The following TMEM132C variants were observed in gnomAD, a reference collection of about 807,000 sequenced individuals.
TMEM132C encodes transmembrane protein 132C, also known as protein phosphatase 1, regulatory subunit 152.
In TMEM132C, 29 loss-of-function variants were observed where a neutral mutation model predicts 61.4. The ratio of observed to expected loss-of-function variants is 0.47; its 90% CI spans 0.35 to 0.64. The LOEUF (loss-of-function observed/expected upper bound fraction) is 0.64, where lower values mean the gene tolerates loss of function less well. Among genes scored for constraint, TMEM132C ranks in the 30% least tolerant of loss-of-function variants. The pLI, the probability that TMEM132C is intolerant of heterozygous loss-of-function variation, is 0.00. For missense variants in TMEM132C, 1,408 were observed against 1,476.9 expected (o/e 0.95, Z 0.76); for synonymous variants, 656 against 633.1 (o/e 1.04, Z -0.54).
At chr12:128,627,751 C>A (rs560697303) in intron 4 of TMEM132C, among the ~76,000 whole-genome samples, 1 of 152,212 alleles carries the variant, frequency 6.6e-6, no homozygotes, top group Non-Finnish European at 1.5e-5. Context: ...TGCCTCCCCC[C>A]GCCCTGCAGC....
chr12:128,448,601 C>T lies in TMEM132C; in HGVS notation c.974+32981C>T, dbSNP rs534608891. ...TAACACTGCTTTTGCCACCTTCTTT[C>T]GGCCACAACAAATCACAAGTCCATC... On this transcript the variant is annotated intron_variant, in intron 2 of 8. Transcript: ENST00000435159. Among the ~76,000 whole-genome samples, 206 of 152,226 alleles carry T rather than the reference C, an allele frequency of 1.4e-3. 2 individuals carry two copies. The highest frequency in any genetic ancestry group is 8.3e-3 in the Admixed American group (127 of 15,282).
At chr12:128,516,724 C>A (rs913043182) in intron 2 of TMEM132C, among the ~76,000 whole-genome samples, 1 of 152,104 alleles carries the variant, frequency 6.6e-6, no homozygotes, top group South Asian at 2.1e-4. Flanking sequence ...CCAGGCTGGA[C>A]AACATAGCAA....
At chr12:128,294,185 T>G (rs1258345439) in intron 1 of TMEM132C, 1 of 154,654 alleles carries the variant, frequency 6.5e-6, no homozygotes, top group Admixed American at 6.5e-5. Flanking sequence ...GCTCAGCATC[T>G]TCCTCTGTGA....
At chr12:128,678,886 C>G (rs947908862) in intron 5 of TMEM132C, among the ~76,000 whole-genome samples, 3 of 152,218 alleles carry the variant, frequency 2.0e-5, no homozygotes, top group Non-Finnish European at 2.9e-5. Context: ...GGAGGACGCT[C>G]ATTGCCATGA....
intron 4 of TMEM132C, among the ~76,000 whole-genome samples, chr12:128,654,375 C>T (rs902472293): frequency 6.6e-6 from 1 of 152,136 alleles, no homozygotes; most frequent in East Asian, 1.9e-4. Flanking sequence ...TCCTGCCCTG[C>T]AGCCTCAGAG....
chr12:128,620,373 C>G (rs751360843), intron 4 of TMEM132C, among the ~76,000 whole-genome samples: 1 of 152,026 alleles, frequency 6.6e-6, no homozygotes, highest in Non-Finnish European at 1.5e-5. Context: ...CAGGTATACT[C>G]TAGTGGAGCG....
chr12:128,571,365 G>A (rs1193649199), intron 3 of TMEM132C, among the ~76,000 whole-genome samples: 1 of 152,310 alleles, frequency 6.6e-6, no homozygotes, highest in Non-Finnish European at 1.5e-5. Context: ...AAAGGAGAAT[G>A]TTTTTTAATG....
At chr12:128,565,549 T>C (rs2136166778) in intron 3 of TMEM132C, among the ~76,000 whole-genome samples, 2 of 152,362 alleles carry the variant, frequency 1.3e-5, no homozygotes, top group South Asian at 4.1e-4. Flanking sequence ...TTCATGTCTT[T>C]ATGGAACTTT....
intron 2 of TMEM132C, among the ~76,000 whole-genome samples, chr12:128,443,633 C>G (rs571356938): frequency 6.6e-6 from 1 of 152,210 alleles, no homozygotes; most frequent in East Asian, 1.9e-4. Flanking sequence ...ATTTTAAAGT[C>G]TCTCTCTGGA....
intron 3 of TMEM132C, among the ~76,000 whole-genome samples, chr12:128,577,420 T>TG (rs1437303673): frequency 1.3e-5 from 2 of 152,040 alleles, no homozygotes; most frequent in African/African-American, 4.8e-5. Context: ...GTTCTGGCCA[T>TG]GGCCCCCCTT....
chr12:128,373,275 T>C (rs1258401047), intron 1 of TMEM132C, among the ~76,000 whole-genome samples: 1 of 152,072 alleles, frequency 6.6e-6, no homozygotes, highest in Non-Finnish European at 1.5e-5. Flanking sequence ...GTGGAGCTGG[T>C]CCTCTCTGTC....
intron 1 of TMEM132C, among the ~76,000 whole-genome samples, chr12:128,321,016 G>A (rs1205699722): frequency 2.6e-5 from 4 of 151,546 alleles, no homozygotes; most frequent in Admixed American, 2.0e-4. Context: ...AGCAAAAGCA[G>A]ACCTGTCAGA....
At chr12:128,523,295 A>G (rs1265039268) in intron 2 of TMEM132C, among the ~76,000 whole-genome samples, 1 of 152,194 alleles carries the variant, frequency 6.6e-6, no homozygotes. Flanking sequence ...TAATGGGTGC[A>G]GAGTTTCATT....
intron 1 of TMEM132C, among the ~76,000 whole-genome samples, chr12:128,376,867 G>T (rs890767450): frequency 6.6e-6 from 1 of 152,160 alleles, no homozygotes; most frequent in African/African-American, 2.4e-5. Flanking sequence ...CATAGAGTGG[G>T]TTTACTGTGG....
intron 8 of TMEM132C, among the ~76,000 whole-genome samples, chr12:128,701,980 A>C (rs926903578): frequency 4.0e-5 from 6 of 149,210 alleles, no homozygotes; most frequent in Non-Finnish European, 7.4e-5. Flanking sequence ...GCTCACTGCA[A>C]CCTCTTCCTC....
intron 6 of TMEM132C, among the ~76,000 whole-genome samples, chr12:128,694,487 A>AT (rs1954742973): frequency 2.0e-5 from 3 of 152,256 alleles, no homozygotes; most frequent in Middle Eastern, 3.4e-3. Flanking sequence ...AAAGCTTCTA[A>AT]TTTTTTTGGG....
At chr12:128,623,200 G>C (rs536516488) in intron 4 of TMEM132C, among the ~76,000 whole-genome samples, 3 of 152,090 alleles carry the variant, frequency 2.0e-5, no homozygotes, top group African/African-American at 7.2e-5. Flanking sequence ...AGGAATCATT[G>C]CTGTCTTTAG....
intron 2 of TMEM132C, among the ~76,000 whole-genome samples, chr12:128,458,128 T>A (rs1174585992): frequency 6.6e-6 from 1 of 151,054 alleles, no homozygotes; most frequent in Non-Finnish European, 1.5e-5. Flanking sequence ...AGTTAGTAGA[T>A]TGATTATATA....
At chr12:128,439,083 A>G (rs575176207) in intron 2 of TMEM132C, 1 of 152,490 alleles carries the variant, frequency 6.6e-6, no homozygotes, top group Non-Finnish European at 1.5e-5. Flanking sequence ...CAGAGTGTCA[A>G]CAACAACTTC....
Sources: allele counts gnomAD v4.1 joint callset (sites outside exome capture counted in the v4.1 genomes callset), GRCh38; gene constraint gnomAD v4.1.1; transcripts MANE v1.5; gene names NCBI Gene and HGNC (gene_info 2026-07-23, HGNC 2026-07-21).